ZNF587: variants seen among roughly 807,000 people sequenced by gnomAD.
ZNF587 encodes zinc finger protein 587, also known as zinc finger protein zfp6.
ZNF587 carries 8 observed loss-of-function variants against 7.5 expected under a neutral mutation model. The ratio of observed to expected loss-of-function variants is 1.06; its 90% CI spans 0.62 to 1.92. ZNF587 has a LOEUF of 1.92. ZNF587 is among the 40% of genes most tolerant of loss of function. ZNF587 has a pLI of 0.00. For synonymous variants in ZNF587, 145 were observed against 237.8 expected (o/e 0.61, Z 3.59); for missense variants, 468 against 692.8 (o/e 0.68, Z 3.64).
rs2071480268 is a variant in ZNF587 at position 57,864,468 on chromosome 19, C to T, written c.*4328C>T. On this transcript the variant is annotated 3_prime_UTR_variant, in exon 3 of 3. Coordinates refer to ENST00000339656, the MANE Select transcript of ZNF587 (RefSeq NM_032828.4). ...ATCCTATGATAGCATGATGTATAGG[C>T]ACCTAAAGGCATGGCACTTGAGAAA... The T allele has an allele frequency of 6.6e-6, 1 of 151,968 alleles. No individual in the cohort carries two copies. Among genetic ancestry groups the T allele is most frequent in the African/African-American group, 2.4e-5 (1 of 41,326 alleles). 9.4% of individuals were successfully genotyped at this position (151,968 alleles called of 1,614,324 possible).
intron 2 of ZNF587, chr19:57,858,370 A>C (rs1600123840): frequency 2.0e-6 from 2 of 991,880 alleles, no homozygotes; most frequent in Non-Finnish European, 2.9e-6. Context: ...CAGGTGATCC[A>C]CCCGCCTCAG....
intron 1 of ZNF587, chr19:57,850,300 C>G (rs1167663299): frequency 4.6e-5 from 31 of 678,356 alleles, no homozygotes; most frequent in South Asian, 3.1e-4. Context: ...AATAGTAATT[C>G]ACGCAGAGCC....
At chr19:57,850,207 C>T in intron 1 of ZNF587, 136 bp downstream of exon 1, 1 of 1,522,008 alleles carries the variant, frequency 6.6e-7, no homozygotes, top group Non-Finnish European at 9.0e-7. Flanking sequence ...CAGGAGGCCT[C>T]TCCTTGTAAC....
At chr19:57,858,482 G>A in intron 2 of ZNF587, 94 bp from the exon 3 acceptor site, 3 of 1,519,948 alleles carry the variant, frequency 2.0e-6, no homozygotes, top group Non-Finnish European at 2.6e-6. Flanking sequence ...TATTTCTATA[G>A]ATTAATTCCT....
chr19:57,864,723 C>T lies in ZNF587; in HGVS notation c.*4583C>T, dbSNP rs1305438313. 2.6e-5 allele frequency: 4 copies of T among 152,220 alleles called. No individual in the cohort carries two copies. The highest frequency in any genetic ancestry group is 1.9e-4 in the East Asian group (1 of 5,180). 9.4% of individuals were successfully genotyped at this position (152,220 alleles called of 1,614,324 possible). On this transcript the variant is annotated 3_prime_UTR_variant, in exon 3 of 3. Coordinates refer to ENST00000339656, the MANE Select transcript of ZNF587 (RefSeq NM_032828.4). Reference sequence around the variant, plus strand: ...TGATATCTAGAAGTTTAAAAGGGCTCGTTCAAACAAATTATGACCACACAC... The same window carrying T: ...TGATATCTAGAAGTTTAAAAGGGCTTGTTCAAACAAATTATGACCACACAC...
intron 2 of ZNF587, among the ~76,000 whole-genome samples, chr19:57,856,832 G>A (rs1440130724): frequency 1.3e-5 from 2 of 151,996 alleles, no homozygotes; most frequent in Non-Finnish European, 2.9e-5. Flanking sequence ...GCTGTCAGGT[G>A]ACTGTCCAAA....
rs2071422265 is a variant in ZNF587, at chr19:57,860,686, C to G, written c.*546C>G. ...TCATTGGAGGCCAGGAGTTAGAGAT[C>G]AGCCTGGGCAACATAGCCAGACCTC... On this transcript the variant is annotated 3_prime_UTR_variant, in exon 3 of 3. Coordinates refer to ENST00000339656, the MANE Select transcript of ZNF587 (RefSeq NM_032828.4). 1 of 158,204 alleles carries G rather than the reference C, an allele frequency of 6.3e-6. No homozygotes were observed. The highest frequency in any genetic ancestry group is 2.4e-5 in the African/African-American group (1 of 41,440). The allele number at this position is 158,204 out of a possible 1,614,324, so 9.8% of individuals were successfully genotyped here. A position where few individuals can be genotyped will look rare whatever the true frequency, so the allele number is the denominator to read the frequency against.
intron 2 of ZNF587, chr19:57,858,255 T>C (rs2071390030): frequency 6.0e-6 from 2 of 333,238 alleles, no homozygotes; most frequent in South Asian, 6.3e-5. Context: ...GCCTCCCGAG[T>C]AGCTGGGATT....
At chr19:57,855,935 T>C in intron 1 of ZNF587, 169 bp from the exon 2 acceptor site, 1 of 1,176,926 alleles carries the variant, frequency 8.5e-7, no homozygotes, top group Non-Finnish European at 1.2e-6. Flanking sequence ...TTGTTGCTGA[T>C]GGCATTTGAC....
At position 57,859,339 on chromosome 19, in the gene ZNF587, C is replaced by T; in HGVS notation, c.927C>T (p.Gly309=). 2 of 1,608,762 alleles carry T rather than the reference C, an allele frequency of 1.2e-6. No homozygotes were observed. The highest frequency in any genetic ancestry group is 1.7e-6 in the Non-Finnish European group (2 of 1,178,852). The change falls in exon 3 of 3, where the codon GGC becomes GGT. Residue 309 remains glycine, a synonymous_variant. Coordinates refer to ENST00000339656, the MANE Select transcript of ZNF587 (RefSeq NM_032828.4). ...GCGGGAAATCTTTTAGTCAGAAGGG[C>T]AGCCTTATTAGCCATCAGCTTGTTC... The part of the protein sequence containing the change: ...EECGKSFSQK[G]SLISHQLVHT...
chr19:57,851,405 G>T (rs545062551), intron 1 of ZNF587: 2 of 152,310 alleles, frequency 1.3e-5, no homozygotes, highest in South Asian at 4.1e-4. Context: ...TTCAGCCTAT[G>T]CCCAGGAATG....
chr19:57,858,484 T>G, intron 2 of ZNF587, 92 bp from the exon 3 acceptor site: 1 of 1,521,168 alleles, frequency 6.6e-7, no homozygotes, highest in Non-Finnish European at 8.8e-7. Flanking sequence ...TTTCTATAGA[T>G]TAATTCCTCA....
At chr19:57,855,117 G>A (rs937234375) in intron 1 of ZNF587, among the ~76,000 whole-genome samples, 1 of 152,034 alleles carries the variant, frequency 6.6e-6, no homozygotes, top group African/African-American at 2.4e-5. Flanking sequence ...CTGGGAGGCA[G>A]AGCTTGCACT....
chr19:57,850,741 C>T (rs1413533330), intron 1 of ZNF587: 2 of 395,726 alleles, frequency 5.1e-6, no homozygotes, highest in Non-Finnish European at 8.9e-6. Flanking sequence ...CTCTTGGGCT[C>T]CACCCAGTTT....
chr19:57,850,030 A>C lies in ZNF587; in HGVS notation c.-9A>C, dbSNP rs377089857. The C allele has an allele frequency of 3.5e-5, 56 of 1,614,104 alleles. No individual in the cohort carries two copies. Among genetic ancestry groups the C allele is most frequent in the Middle Eastern group, 1.6e-4 (1 of 6,072 alleles). ...ACTGCTCCCGGGCCGTGCTTCCCCAAGTAGTCCGATGGCAGCGGCTGTGCC... is the reference window on the plus strand; with the variant it reads ...ACTGCTCCCGGGCCGTGCTTCCCCACGTAGTCCGATGGCAGCGGCTGTGCC... On this transcript the variant is annotated 5_prime_UTR_variant, in exon 1 of 3. Coordinates refer to ENST00000339656, the MANE Select transcript of ZNF587 (RefSeq NM_032828.4).
intron 1 of ZNF587, chr19:57,850,529 G>T (rs115869641): frequency 0.019 from 8,713 of 461,338 alleles, 216 homozygotes; most frequent in African/African-American, 0.083. Flanking sequence ...TTACCGGTCT[G>T]TGTGTTGTCC....
rs1281175079 is a variant in ZNF587 at position 57,862,103 on chromosome 19, T to G, written c.*1963T>G. On this transcript the variant is annotated 3_prime_UTR_variant, in exon 3 of 3. Coordinates refer to ENST00000339656, the MANE Select transcript of ZNF587 (RefSeq NM_032828.4). ...ACTTGGTTTTCAGTACCACAAGAAC[T>G]ATGAGCTGGTTATCCACTTCATGTG... 1 of 152,138 alleles carries G rather than the reference T, an allele frequency of 6.6e-6. No homozygotes were observed. Among genetic ancestry groups the G allele is most frequent in the Non-Finnish European group, 1.5e-5 (1 of 68,016 alleles). The allele number at this position is 152,138 out of a possible 1,614,324, so 9.4% of individuals were successfully genotyped here.
rs372561897 is a variant in ZNF587, at chr19:57,859,570, G to A, written c.1158G>A (p.Gly386=). ...GERPYKCGEC[G]KSFGQKGNLV... is the part of the protein sequence containing the mutation. ...GGCCTTACAAGTGTGGAGAATGTGG[G>A]AAATCTTTTGGTCAAAAGGGCAACC... Residue 386 remains glycine, a synonymous_variant, in exon 3 of 3, where the codon GGG becomes GGA. Transcript: ENST00000339656. 9.6e-4 allele frequency: 1,550 copies of A among 1,613,022 alleles called. 7 individuals carry two copies. The African/African-American group carries it at 0.01, about 11-fold the overall frequency.
At chr19:57,850,336 T>TA (rs1328598353) in intron 1 of ZNF587, 9 of 631,816 alleles carry the variant, frequency 1.4e-5, no homozygotes, top group Non-Finnish European at 1.9e-5. Flanking sequence ...AGACAGGAGT[T>TA]TTATTATTCA....
Sources: gnomAD v4.1 joint callset for allele counts (sites outside exome capture counted in the v4.1 genomes callset) on GRCh38, gnomAD v4.1.1 for gene constraint, MANE v1.5 for transcripts, NCBI Gene and HGNC (gene_info 2026-07-23, HGNC 2026-07-21) for gene names.